The following ADAMTS6 variants were observed in gnomAD, a reference collection of about 807,000 sequenced individuals.
The protein encoded by ADAMTS6 is A disintegrin and metalloproteinase with thrombospondin motifs 6.
ADAMTS6 carries 23 observed loss-of-function variants against 144.3 expected under a neutral mutation model. The observed-to-expected ratio is 0.16, with a 90% CI of 0.11 to 0.23. ADAMTS6 has a LOEUF of 0.23. Among genes scored for constraint, ADAMTS6 ranks in the 10% least tolerant of loss-of-function variants. The probability of loss-of-function intolerance (pLI) is 1.00; values close to 1 mark genes in which losing one functional copy is unlikely to be tolerated. For missense variants in ADAMTS6, 999 were observed against 1,379.6 expected, an observed-to-expected ratio of 0.72 and a Z score of 4.37; for synonymous variants, 444 against 457.5, an observed-to-expected ratio of 0.97 and a Z score of 0.38.
chr5:65,425,103 T>C (rs1756399466), intron 7 of ADAMTS6, among the ~76,000 whole-genome samples: 1 of 152,162 alleles, frequency 6.6e-6, no homozygotes, highest in Admixed American at 6.5e-5. Context: ...TTCAAGCGAT[T>C]CTCCTGCTTC....
Position 65,248,290 on chromosome 5 carries a change from AT to A in ADAMTS6, c.1831-6085del, listed in dbSNP as rs945502897. ...TCTTTTTTCTCCCAAATAGTTTCTG[AT>A]TTTTTTTCACTATATATTTACTTTT... On this transcript the variant is annotated intron_variant, in intron 14 of 24. Coordinates refer to ENST00000381055, the MANE Select transcript of ADAMTS6 (RefSeq NM_197941.4). Among the ~76,000 whole-genome samples the A allele has an allele frequency of 8.6e-5, 13 of 151,852 alleles. No homozygotes were observed. The East Asian group carries it at 1.5e-3, about 18-fold the overall frequency.
At chr5:65,439,382 G>A (rs967294302) in intron 7 of ADAMTS6, among the ~76,000 whole-genome samples, 9 of 151,934 alleles carry the variant, frequency 5.9e-5, no homozygotes, top group African/African-American at 2.2e-4. Context: ...GATGAACCAA[G>A]GGATCAAAAT....
chr5:65,460,312 T>C lies in ADAMTS6; in HGVS notation c.489A>G (p.Glu163=). 1 of 1,612,780 alleles carries C rather than the reference T, an allele frequency of 6.2e-7. No individual in the cohort carries two copies. Among genetic ancestry groups the C allele is most frequent in the South Asian group, 1.1e-5 (1 of 90,730 alleles). The change falls in exon 4 of 25, where the codon GAA becomes GAG. Residue 163 remains glutamate (E), a synonymous_variant. Transcript: ENST00000381055. ...TCTTTAAAGGTTCGATAAAATACTCTTCATCTTCTGTAGCAATAACACCAT... is the reference window on the plus strand; with the variant it reads ...TCTTTAAAGGTTCGATAAAATACTCCTCATCTTCTGTAGCAATAACACCAT... ...GLHGVIATED[E]EYFIEPLKNT...
intron 15 of ADAMTS6, among the ~76,000 whole-genome samples, chr5:65,230,281 C>T (rs1758048855): frequency 1.9e-5 from 1 of 53,358 alleles, no homozygotes; most frequent in African/African-American, 6.9e-5. Context: ...AGCAAAATAC[C>T]TAAAGCATAT....
intron 15 of ADAMTS6, among the ~76,000 whole-genome samples, chr5:65,231,773 T>A (rs1349100648): frequency 6.6e-6 from 1 of 152,024 alleles, no homozygotes; most frequent in African/African-American, 2.4e-5. Context: ...TCCTGAACCA[T>A]CAATGGGCCA....
At position 65,330,569 on chromosome 5, in the gene ADAMTS6, T is replaced by C. The variant is rs1264934959; in HGVS notation, c.1118-1086A>G. Among the ~76,000 whole-genome samples, 3 of 152,146 alleles carry C rather than the reference T, an allele frequency of 2.0e-5. No homozygotes were observed. In the East Asian group the frequency reaches 5.8e-4, roughly 29 times the overall value. On this transcript the variant is annotated intron_variant, in intron 8 of 24. Transcript: ENST00000381055. ...AGTAAGCAATGTTCTGTGCTAGGTATAATTTCCCAGCTGTACTAATTAGAA... is the reference window on the plus strand; with the variant it reads ...AGTAAGCAATGTTCTGTGCTAGGTACAATTTCCCAGCTGTACTAATTAGAA...
chr5:65,233,200 T>C (rs1324007185), intron 15 of ADAMTS6, among the ~76,000 whole-genome samples: 2 of 152,028 alleles, frequency 1.3e-5, no homozygotes, highest in Non-Finnish European at 2.9e-5. Context: ...ACACAATAAA[T>C]GTCCCATACA....
intron 23 of ADAMTS6, among the ~76,000 whole-genome samples, chr5:65,171,968 T>G (rs1198609364): frequency 6.6e-6 from 1 of 151,168 alleles, no homozygotes; most frequent in East Asian, 1.9e-4. Context: ...CCTATGAAAT[T>G]TGGAATCAAA....
intron 7 of ADAMTS6, among the ~76,000 whole-genome samples, chr5:65,345,729 A>G (rs184479193): frequency 1.8e-4 from 28 of 151,930 alleles, no homozygotes; most frequent in African/African-American, 5.8e-4. Context: ...GTCACTTTTG[A>G]GTCTTCCCTT....
chr5:65,448,564 T>C (rs1049992091), intron 7 of ADAMTS6, among the ~76,000 whole-genome samples: 11 of 152,028 alleles, frequency 7.2e-5, no homozygotes, highest in Admixed American at 5.9e-4. Flanking sequence ...GCCATTCTCC[T>C]GCCTCAGCCT....
intron 18 of ADAMTS6, among the ~76,000 whole-genome samples, chr5:65,216,672 CT>C (rs922624379): frequency 2.0e-5 from 3 of 151,568 alleles, no homozygotes; most frequent in Non-Finnish European, 4.4e-5. Context: ...TATAAAAGAA[CT>C]TTTTTTCTCA....
At chr5:65,155,034 C>T (rs1579902903) in intron 24 of ADAMTS6, among the ~76,000 whole-genome samples, 2 of 152,150 alleles carry the variant, frequency 1.3e-5, no homozygotes, top group Admixed American at 6.5e-5. Context: ...GTTCCTACTT[C>T]TTGGTTTTGC....
intron 7 of ADAMTS6, among the ~76,000 whole-genome samples, chr5:65,389,759 C>T (rs1752760342): frequency 6.6e-6 from 1 of 151,916 alleles, no homozygotes; most frequent in Non-Finnish European, 1.5e-5. Context: ...ATTGGGAGGT[C>T]TAATGGGCAA....
At chr5:65,476,208 G>T (rs1760830059) in intron 1 of ADAMTS6, among the ~76,000 whole-genome samples, 1 of 152,018 alleles carries the variant, frequency 6.6e-6, no homozygotes, top group African/African-American at 2.4e-5. Context: ...ACTAAATCCT[G>T]TTCAGTAATA....
chr5:65,371,951 G>C (rs1750968080), intron 7 of ADAMTS6, among the ~76,000 whole-genome samples: 2 of 152,118 alleles, frequency 1.3e-5, no homozygotes, highest in South Asian at 4.1e-4. Flanking sequence ...AGCCAGAAGA[G>C]AGTGGGCGCC....
At chr5:65,415,407 CGCAGTGGCTTCTGTGGAGGCTTCG>C (rs1755422693) in intron 7 of ADAMTS6, 1 of 163,416 alleles carries the variant, frequency 6.1e-6, no homozygotes, top group Non-Finnish European at 1.3e-5. Flanking sequence ...GATGGGAAAC[CGCAGTGGCTTCTGTGGAGGCTTCG>C]GCAGTGGCAT....
intron 1 of ADAMTS6, among the ~76,000 whole-genome samples, chr5:65,479,466 A>C (rs1005437458): frequency 1.3e-5 from 2 of 152,246 alleles, no homozygotes; most frequent in African/African-American, 4.8e-5. Context: ...GATAGCAAGT[A>C]AATACACATT....
rs572454643 is a variant in ADAMTS6, at chr5:65,418,150, G to A, written c.1073+33325C>T. 2.4e-4 allele frequency among the ~76,000 whole-genome samples: 36 copies of A among 152,234 alleles called. 1 individual carries two copies. The South Asian group carries it at 2.9e-3, about 12-fold the overall frequency. On this transcript the variant is annotated intron_variant, in intron 7 of 24. Coordinates refer to ENST00000381055, the MANE Select transcript of ADAMTS6 (RefSeq NM_197941.4). ...CTCCCTATTCAATAAATGGTGCTAG[G>A]ACAGCTGGCTAGCTATATTCAAAAT...
intron 14 of ADAMTS6, among the ~76,000 whole-genome samples, chr5:65,254,849 C>G (rs1760508867): frequency 6.6e-6 from 1 of 152,190 alleles, no homozygotes; most frequent in Non-Finnish European, 1.5e-5. Context: ...AAATACTCCA[C>G]CAAACCAACT....
Sources: gnomAD v4.1 joint callset for allele counts (sites outside exome capture counted in the v4.1 genomes callset) on GRCh38, gnomAD v4.1.1 for gene constraint, MANE v1.5 for transcripts, NCBI Gene and HGNC (gene_info 2026-07-23, HGNC 2026-07-21) for gene names.